The following WASHC5 variants were observed in gnomAD, a reference collection of about 807,000 sequenced individuals.
WASHC5 encodes the protein WASH complex subunit strumpellin.
In WASHC5, 101 loss-of-function variants were observed where a neutral mutation model predicts 150.4. That is an observed-to-expected ratio of 0.67 (90% CI 0.57 to 0.79). WASHC5 has a LOEUF of 0.79. Among genes scored for constraint, WASHC5 ranks in the 30% least tolerant of loss-of-function variants. The pLI, the probability that WASHC5 is intolerant of heterozygous loss-of-function variation, is 0.00. For missense variants in WASHC5, 1,195 were observed against 1,396.3 expected, an observed-to-expected ratio of 0.86 and a Z score of 2.30; for synonymous variants, 467 against 491.2, an observed-to-expected ratio of 0.95 and a Z score of 0.65.
At chr8:125,042,974 A>G (rs1815940794) in intron 23 of WASHC5, among the ~76,000 whole-genome samples, 1 of 152,258 alleles carries the variant, frequency 6.6e-6, no homozygotes, top group East Asian at 1.9e-4. Flanking sequence ...GAATCAGAGA[A>G]TGGAACTTTT....
chr8:125,076,436 T>C lies in WASHC5; in HGVS notation c.776A>G (p.Tyr259Cys), dbSNP rs1817062795. The C allele has an allele frequency of 6.2e-7, 1 of 1,613,984 alleles. No individual in the cohort carries two copies. Among genetic ancestry groups the C allele is most frequent in the African/African-American group, 1.3e-5 (1 of 74,916 alleles). ...GGAAGGCTCAAAGTAGAGAATCACG[T>C]ACAGCATGGCAGCTTGGTTTGCCAG... is the stretch of plus-strand genomic sequence containing the variant. ...TALANQAAML[Y>C]VILYFEPSIL... The change falls in exon 7 of 29, where the codon TAC becomes TGC. Residue 259 changes from tyrosine (Y) to cysteine (C), a missense_variant. By Grantham distance (194) the Tyr-to-Cys change is radical (BLOSUM62 -2). Transcript: ENST00000318410.
Position 125,055,600 on chromosome 8 carries a change from G to T in WASHC5, c.2088C>A (p.Gly696=). The change falls in exon 17 of 29, where the codon GGC becomes GGA. Residue 696 remains glycine, a synonymous_variant. Transcript: ENST00000318410. Reference sequence around the variant, plus strand: ...CTAACAAAACTGTTACCTTGATGATGCCAACCAAAGTCGTTTTCATCATTA... The same window carrying T: ...CTAACAAAACTGTTACCTTGATGATTCCAACCAAAGTCGTTTTCATCATTA... ...GILMMKTTLV[G]IIKVDPKQLL... is the part of the protein sequence containing the mutation. 6.2e-7 allele frequency: 1 copy of T among 1,608,086 alleles called. No individual in the cohort carries two copies. Among genetic ancestry groups the T allele is most frequent in the Non-Finnish European group, 8.5e-7 (1 of 1,174,508 alleles).
intron 10 of WASHC5, among the ~76,000 whole-genome samples, chr8:125,065,391 G>C (rs1816717384): frequency 6.6e-6 from 1 of 151,862 alleles, no homozygotes; most frequent in Non-Finnish European, 1.5e-5. Context: ...CCTTTATGCT[G>C]TCTTGTTTCC....
intron 16 of WASHC5, 52 bp from the exon 17 acceptor site, chr8:125,055,723 T>A: frequency 9.3e-7 from 1 of 1,075,912 alleles, no homozygotes; most frequent in Non-Finnish European, 1.4e-6. Context: ...AGTCCTGGAA[T>A]GAACAAAGAT....
intron 21 of WASHC5, 44 bp from the exon 22 acceptor site, chr8:125,044,138 T>C: frequency 7.7e-7 from 1 of 1,299,548 alleles, no homozygotes; most frequent in Non-Finnish European, 1.1e-6. Context: ...CATAATGAAT[T>C]AAACAAGCAA....
chr8:125,047,208 T>C lies in WASHC5; in HGVS notation c.2503A>G (p.Lys835Glu). Residue 835 changes from lysine to glutamate, a missense_variant and splice_region_variant, in exon 20 of 29, where the codon AAA becomes GAA. By Grantham distance (56) the Lys-to-Glu change is moderately conservative. Around this residue, in one of 3 missense-constraint regions of WASHC5, gnomAD observed 997 missense variants for 1,168.1 expected, o/e 0.85. Coordinates refer to ENST00000318410, the MANE Select transcript of WASHC5 (RefSeq NM_014846.4). Reference protein sequence around the residue: ...CREILRITDPKMTCHIDQLNT... With the variant: ...CREILRITDPEMTCHIDQLNT... ...TCTGTAGAATTCAGGTACACCTACTTTGGGTCTGTGATCCGCAGGATTTCT... is the reference window on the plus strand; with the variant it reads ...TCTGTAGAATTCAGGTACACCTACTCTGGGTCTGTGATCCGCAGGATTTCT... The C allele has an allele frequency of 6.2e-7, 1 of 1,613,990 alleles. No homozygotes were observed. Among genetic ancestry groups the C allele is most frequent in the Non-Finnish European group, 8.5e-7 (1 of 1,179,902 alleles).
chr8:125,079,185 C>CTTT lies in WASHC5; in HGVS notation c.519-258_519-256dup, dbSNP rs34211379. On this transcript the variant is annotated intron_variant, in intron 5 of 28. Transcript: ENST00000318410. Reference sequence around the variant, plus strand: ...GTCTCGCTATGTATGTATATATAACCTTTTTTTTTTTTTTTTTTTTTTTTG... The same window carrying CTTT: ...GTCTCGCTATGTATGTATATATAACCTTTTTTTTTTTTTTTTTTTTTTTTTTTG... Among the ~76,000 whole-genome samples, 240 of 57,588 alleles carry CTTT rather than the reference C, an allele frequency of 4.2e-3. 2 individuals are homozygous for CTTT. Among genetic ancestry groups the CTTT allele is most frequent in the East Asian group, 4.8e-3 (8 of 1,660 alleles). 37.8% of individuals were successfully genotyped at this position (57,588 alleles called of 152,430 possible).
chr8:125,059,867 C>A (rs978376454), intron 12 of WASHC5, among the ~76,000 whole-genome samples: 2 of 151,884 alleles, frequency 1.3e-5, no homozygotes, highest in African/African-American at 4.8e-5. Context: ...ACTGAAGATG[C>A]CTGGGTTATA....
In WASHC5 at chr8:125,059,205, C is replaced by T. The variant is rs763299026; in HGVS notation, c.1764+17G>A. On this transcript the variant is annotated intron_variant, in intron 14 of 28. Transcript: ENST00000318410. Reference sequence around the variant, plus strand: ...ACTCTTTCCTAGCAACAGAGAATCTCACTGTTTTTTGCTTACCTTTAGGAA... The same window carrying T: ...ACTCTTTCCTAGCAACAGAGAATCTTACTGTTTTTTGCTTACCTTTAGGAA... The T allele has an allele frequency of 1.3e-6, 2 of 1,582,888 alleles. No individual in the cohort carries two copies. Among genetic ancestry groups the T allele is most frequent in the African/African-American group, 2.7e-5 (2 of 74,042 alleles).
intron 22 of WASHC5, 23 bp from the exon 23 acceptor site, chr8:125,043,927 T>C: frequency 6.2e-7 from 1 of 1,603,618 alleles, no homozygotes; most frequent in Non-Finnish European, 8.5e-7. Flanking sequence ...AACATAATTT[T>C]CTCTTTAGTA....
intron 6 of WASHC5, among the ~76,000 whole-genome samples, chr8:125,078,333 A>G (rs1195684635): frequency 6.6e-6 from 1 of 152,124 alleles, no homozygotes; most frequent in South Asian, 2.1e-4. Flanking sequence ...TTACCCTAAG[A>G]TAACACCCAT....
chr8:125,057,929 T>G (rs1041609004), intron 14 of WASHC5, among the ~76,000 whole-genome samples: 2 of 152,052 alleles, frequency 1.3e-5, no homozygotes, highest in African/African-American at 4.8e-5. Flanking sequence ...CCACACTGAC[T>G]TAGTCAGACA....
chr8:125,061,864 T>C (rs1816604938), intron 11 of WASHC5, among the ~76,000 whole-genome samples: 1 of 152,204 alleles, frequency 6.6e-6, no homozygotes, highest in Admixed American at 6.5e-5. Flanking sequence ...TTGTTAGCCA[T>C]TTCCCAGATA....
At chr8:125,087,730 CAAA>C (rs35178691) in intron 1 of WASHC5, among the ~76,000 whole-genome samples, 2,017 of 91,706 alleles carry the variant, frequency 0.022, 40 homozygotes, top group African/African-American at 0.064. Flanking sequence ...GACCCTCTCT[CAAA>C]AAAAAAAAAA....
chr8:125,057,519 C>T, intron 15 of WASHC5, 37 bp downstream of exon 15: 1 of 1,323,738 alleles, frequency 7.6e-7, no homozygotes, highest in South Asian at 1.2e-5. Flanking sequence ...CAGCAGTTAT[C>T]TGGCAAGAGT....
chr8:125,083,320 A>G, intron 2 of WASHC5, 62 bp from the exon 3 acceptor site: 1 of 1,503,392 alleles, frequency 6.7e-7, no homozygotes, highest in Non-Finnish European at 9.2e-7. Flanking sequence ...ACAATTTCTA[A>G]ATAGTCTTTT....
At chr8:125,067,026 T>C (rs561013296) in intron 10 of WASHC5, among the ~76,000 whole-genome samples, 1 of 152,264 alleles carries the variant, frequency 6.6e-6, no homozygotes, top group South Asian at 2.1e-4. Flanking sequence ...TGTGATTCTG[T>C]TTTTTTGAGA....
chr8:125,059,586 T>C, intron 12 of WASHC5, 44 bp from the exon 13 acceptor site: 1 of 1,427,290 alleles, frequency 7.0e-7, no homozygotes, highest in Non-Finnish European at 9.9e-7. Context: ...CTGAATGGAC[T>C]CTATGGTGCT....
At chr8:125,069,559 T>C (rs1165000059) in intron 9 of WASHC5, among the ~76,000 whole-genome samples, 3 of 152,202 alleles carry the variant, frequency 2.0e-5, no homozygotes, top group Non-Finnish European at 4.4e-5. Flanking sequence ...GTTGTATAGA[T>C]ATATGTATAT....
Sources: gnomAD v4.1 joint callset for allele counts (sites outside exome capture counted in the v4.1 genomes callset) on GRCh38, gnomAD v4.1.1 for gene constraint, gnomAD v4.1.1 regional missense constraint, MANE v1.5 for transcripts, NCBI Gene and HGNC (gene_info 2026-07-23, HGNC 2026-07-21) for gene names.